The following NARS2 variants were observed in gnomAD, a reference collection of about 807,000 sequenced individuals.
The protein encoded by NARS2 is asparaginyl-tRNA synthetase.
A neutral mutation model predicts 62.9 loss-of-function variants in NARS2; 60 were observed. The observed-to-expected ratio is 0.95, with a 90% CI of 0.77 to 1.18. The LOEUF is 1.18. Ranked by LOEUF, NARS2 falls within the 50% of genes most tolerant of loss-of-function variation. The probability of loss-of-function intolerance (pLI) is 0.00; values close to 1 mark genes in which losing one functional copy is unlikely to be tolerated. For missense variants in NARS2, 619 were observed against 576.4 expected, an observed-to-expected ratio of 1.07 and a Z score of -0.76; for synonymous variants, 196 against 200.0, an observed-to-expected ratio of 0.98 and a Z score of 0.17.
intron 11 of NARS2, 95 bp downstream of exon 11, chr11:78,465,781 G>C (rs1486085881): frequency 7.5e-7 from 1 of 1,334,292 alleles, no homozygotes; most frequent in African/African-American, 1.5e-5. Context: ...TTAAGAGATA[G>C]AGTGATAGAT....
At chr11:78,533,534 A>G (rs1377650605) in intron 5 of NARS2, among the ~76,000 whole-genome samples, 2 of 152,192 alleles carry the variant, frequency 1.3e-5, no homozygotes, top group Non-Finnish European at 2.9e-5. Context: ...GCTCCATTCA[A>G]TTTGGCACAT....
intron 6 of NARS2, among the ~76,000 whole-genome samples, chr11:78,528,142 A>C (rs1405814485): frequency 6.6e-6 from 1 of 152,174 alleles, no homozygotes; most frequent in Non-Finnish European, 1.5e-5. Flanking sequence ...AGGCTGAGGC[A>C]GGAGAATCAC....
chr11:78,519,433 G>A (rs1442418813), intron 6 of NARS2, among the ~76,000 whole-genome samples: 1 of 152,018 alleles, frequency 6.6e-6, no homozygotes, highest in Non-Finnish European at 1.5e-5. Flanking sequence ...TAAACTTGAG[G>A]AAGAAAATAA....
intron 9 of NARS2, among the ~76,000 whole-genome samples, chr11:78,475,114 C>T (rs1859034516): frequency 7.2e-6 from 1 of 138,294 alleles, no homozygotes; most frequent in Non-Finnish European, 1.5e-5. Flanking sequence ...TACCATTCTA[C>T]TCACTACTTC....
intron 9 of NARS2, among the ~76,000 whole-genome samples, chr11:78,473,033 G>A (rs1858940348): frequency 6.6e-6 from 1 of 152,200 alleles, no homozygotes; most frequent in Non-Finnish European, 1.5e-5. Context: ...GGGTGTGGTG[G>A]CCTGCACCAG....
chr11:78,440,369 A>G (rs2135132755), intron 13 of NARS2, among the ~76,000 whole-genome samples: 1 of 150,516 alleles, frequency 6.6e-6, no homozygotes. Context: ...CGGCCGAGCC[A>G]AGCATTTTGA....
At chr11:78,463,480 G>A (rs1447361718) in intron 11 of NARS2, among the ~76,000 whole-genome samples, 2 of 152,190 alleles carry the variant, frequency 1.3e-5, no homozygotes, top group African/African-American at 4.8e-5. Flanking sequence ...GAGGTCAGGA[G>A]TTAAAGACCA....
intron 6 of NARS2, among the ~76,000 whole-genome samples, chr11:78,514,253 G>C (rs1004747621): frequency 3.9e-5 from 6 of 152,160 alleles, no homozygotes; most frequent in Non-Finnish European, 4.4e-5. Context: ...CTCCCGAGTA[G>C]CTGGGACTAC....
intron 6 of NARS2, among the ~76,000 whole-genome samples, chr11:78,509,826 C>CA (rs71046976): frequency 0.67 from 78,447 of 116,428 alleles, 26,096 homozygotes; most frequent in Non-Finnish European, 0.78. Context: ...GACTCTGTCT[C>CA]AAAAAAAAAA....
intron 11 of NARS2, among the ~76,000 whole-genome samples, chr11:78,448,517 C>A (rs542131911): frequency 6.6e-6 from 1 of 151,962 alleles, no homozygotes; most frequent in African/African-American, 2.4e-5. Flanking sequence ...TCTTGAACCA[C>A]CTGATCTTGA....
chr11:78,555,130 G>C (rs993726607), intron 5 of NARS2: 2 of 152,216 alleles, frequency 1.3e-5, no homozygotes, highest in Non-Finnish European at 2.9e-5. Context: ...GATTCAGTTT[G>C]CAAGTATTTT....
intron 11 of NARS2, among the ~76,000 whole-genome samples, chr11:78,462,615 T>G (rs1858442832): frequency 6.6e-6 from 1 of 152,242 alleles, no homozygotes; most frequent in African/African-American, 2.4e-5. Flanking sequence ...GAATACTAAC[T>G]ACTTACTATC....
At chr11:78,562,405 G>A (rs192696123) in intron 4 of NARS2, among the ~76,000 whole-genome samples, 1 of 152,238 alleles carries the variant, frequency 6.6e-6, no homozygotes, top group African/African-American at 2.4e-5. Flanking sequence ...ACTCCAGCCC[G>A]GACAACAGTA....
At chr11:78,450,773 C>A (rs1857945130) in intron 11 of NARS2, among the ~76,000 whole-genome samples, 1 of 146,680 alleles carries the variant, frequency 6.8e-6, no homozygotes, top group African/African-American at 2.5e-5. Flanking sequence ...TTCTCAGGTT[C>A]AAGTGATTCT....
chr11:78,464,344 T>C (rs922888275), intron 11 of NARS2, among the ~76,000 whole-genome samples: 2 of 152,088 alleles, frequency 1.3e-5, no homozygotes, highest in Admixed American at 6.5e-5. Context: ...TTCCACAGTG[T>C]GGAAGGGGAC....
chr11:78,530,604 C>G (rs1482552280), intron 5 of NARS2, among the ~76,000 whole-genome samples: 3 of 152,212 alleles, frequency 2.0e-5, no homozygotes, highest in African/African-American at 7.2e-5. Context: ...CTGCCAGTAG[C>G]TGGGATTACA....
intron 4 of NARS2, among the ~76,000 whole-genome samples, chr11:78,563,393 T>C (rs529603516): frequency 3.2e-4 from 49 of 151,936 alleles, no homozygotes; most frequent in African/African-American, 1.1e-3. Flanking sequence ...AATTTTTGTA[T>C]TTTTAGTAGA....
intron 5 of NARS2, among the ~76,000 whole-genome samples, chr11:78,546,882 A>G (rs1855898145): frequency 6.6e-6 from 1 of 152,222 alleles, no homozygotes; most frequent in African/African-American, 2.4e-5. Context: ...CCTTGTCAGA[A>G]ATCTCTCCTA....
intron 11 of NARS2, among the ~76,000 whole-genome samples, chr11:78,451,873 T>C (rs1857982712): frequency 6.6e-6 from 1 of 152,142 alleles, no homozygotes; most frequent in Non-Finnish European, 1.5e-5. Context: ...GACTCTGAAA[T>C]TGAGCAACCG....
Sources: allele counts gnomAD v4.1 joint callset (sites outside exome capture counted in the v4.1 genomes callset), GRCh38; gene constraint gnomAD v4.1.1; transcripts MANE v1.5; gene names NCBI Gene and HGNC (gene_info 2026-07-23, HGNC 2026-07-21).